ATOH1: variants seen among roughly 807,000 people sequenced by gnomAD.
ATOH1 encodes the protein atonal bHLH transcription factor 1.
In ATOH1, 9 loss-of-function variants were observed where a neutral mutation model predicts 20.7. The ratio of observed to expected loss-of-function variants is 0.44; its 90% CI spans 0.26 to 0.76. The LOEUF (loss-of-function observed/expected upper bound fraction) is 0.76, where lower values mean the gene tolerates loss of function less well. Ranked by LOEUF, ATOH1 falls within the 30% of genes least tolerant of loss-of-function variation. ATOH1 has a pLI of 0.20. For synonymous variants in ATOH1, 247 were observed against 214.3 expected, an observed-to-expected ratio of 1.15 and a Z score of -1.33; for missense variants, 516 against 479.3, an observed-to-expected ratio of 1.08 and a Z score of -0.71.
Position 93,829,478 on chromosome 4 carries a change from T to A in ATOH1, c.552T>A (p.Asn184Lys), listed in dbSNP as rs1244207404. The A allele has an allele frequency of 7.4e-6, 12 of 1,614,092 alleles. No homozygotes were observed. The highest frequency in any genetic ancestry group is 1.1e-5 in the South Asian group (1 of 91,088). ...ACCACGCCTTCGACCAGCTGCGCAA[T>A]GTTATCCCGTCGTTCAACAACGACA... ...GLNHAFDQLRNVIPSFNNDKK... is the reference protein window; with the variant it reads ...GLNHAFDQLRKVIPSFNNDKK... The change falls in exon 1 of 1, where the codon AAT becomes AAA. Residue 184 changes from asparagine to lysine, a missense_variant. Transcript: ENST00000306011. This position sits in a 1 kb window ranked among gnomAD's most constrained non-coding sequence, Gnocchi z 4.5.
chr4:93,829,000 C>T lies in ATOH1; in HGVS notation c.74C>T (p.Pro25Leu). ...GGAGACCACCATCGCCAGCCCCAGCCGCATCATCTCCCGCAACCGCCGCCG... is the reference window on the plus strand; with the variant it reads ...GGAGACCACCATCGCCAGCCCCAGCTGCATCATCTCCCGCAACCGCCGCCG... Reference protein sequence around the residue: ...ELGDHHRQPQPHHLPQPPPPP... With the variant: ...ELGDHHRQPQLHHLPQPPPPP... The change falls in exon 1 of 1, where the codon CCG becomes CTG. Residue 25 changes from proline (P) to leucine (L), a missense_variant. Pro to Leu is a moderately conservative substitution (Grantham distance 98, BLOSUM62 -3). Coordinates refer to ENST00000306011, the MANE Select transcript of ATOH1 (RefSeq NM_005172.2). 1.2e-6 allele frequency: 2 copies of T among 1,613,616 alleles called. No homozygotes were observed. Among genetic ancestry groups the T allele is most frequent in the Non-Finnish European group, 8.5e-7 (1 of 1,179,830 alleles).
Position 93,829,562 on chromosome 4 carries a change from C to T in ATOH1, c.636C>T (p.Ser212=). The T allele has an allele frequency of 1.2e-6, 2 of 1,614,228 alleles. No individual in the cohort carries two copies. Among genetic ancestry groups the T allele is most frequent in the Non-Finnish European group, 8.5e-7 (1 of 1,180,036 alleles). Residue 212 remains serine, a synonymous_variant, in exon 1 of 1, where the codon TCC becomes TCT. Transcript: ENST00000306011. The surrounding 1 kb of genome is among the most constrained non-coding windows in gnomAD (Gnocchi z 4.5). The stretch of plus-strand genomic sequence containing the variant: ...CCCAAATCTACATCAACGCCTTGTC[C>T]GAGCTGCTACAAACGCCCAGCGGAG... ...QMAQIYINAL[S]ELLQTPSGGE... is the part of the protein sequence containing the mutation.
chr4:93,828,954 TG>T lies in ATOH1; in HGVS notation c.31del (p.Ala11LeufsTer3). The T allele has an allele frequency of 1.2e-6, 2 of 1,605,248 alleles. No homozygotes were observed. The highest frequency in any genetic ancestry group is 8.5e-7 in the Non-Finnish European group (1 of 1,175,572). ...GTCCCGCCTGCTGCATGCAGAAGAGTGGGCTGAAGTGAAGGAGTTGGGAGAC... is the reference window on the plus strand; with the variant it reads ...GTCCCGCCTGCTGCATGCAGAAGAGTGGCTGAAGTGAAGGAGTTGGGAGAC... MSRLLHAEEWAEVKELGDHH... is the reference protein window; with the variant it reads MSRLLHAEEXAEVKELGDHH... On this transcript the variant is annotated frameshift_variant, in exon 1 of 1. Coordinates refer to ENST00000306011, the MANE Select transcript of ATOH1 (RefSeq NM_005172.2). LOFTEE classifies it high-confidence loss of function.
At position 93,828,909 on chromosome 4, in the gene ATOH1, C is replaced by G; in HGVS notation, c.-18C>G. The G allele has an allele frequency of 6.4e-7, 1 of 1,560,072 alleles. No individual in the cohort carries two copies. Among genetic ancestry groups the G allele is most frequent in the Non-Finnish European group, 8.7e-7 (1 of 1,150,332 alleles). The stretch of plus-strand genomic sequence containing the variant: ...CAGTGCTGCCTCCGATCCTGAGCCT[C>G]CGAGCCTTTGCAGTGCAATGTCCCG... On this transcript the variant is annotated 5_prime_UTR_variant, in exon 1 of 1. Transcript: ENST00000306011.
chr4:93,829,834 C>T lies in ATOH1; in HGVS notation c.908C>T (p.Thr303Ile). 6.2e-7 allele frequency: 1 copy of T among 1,614,048 alleles called. No homozygotes were observed. The highest frequency in any genetic ancestry group is 8.5e-7 in the Non-Finnish European group (1 of 1,180,024). ...HFSTFEDSAL[T>I]AMMAQKNLSP... ...TCGACTTTCGAGGACAGCGCCCTGA[C>T]AGCGATGATGGCGCAAAAGAATTTG... Residue 303 changes from threonine (T) to isoleucine (I), a missense_variant, in exon 1 of 1, where the codon ACA (threonine) becomes ATA (isoleucine). Transcript: ENST00000306011. This position sits in a 1 kb window ranked among gnomAD's most constrained non-coding sequence, Gnocchi z 4.5.
chr4:93,830,073 C>A lies in ATOH1; in HGVS notation c.*82C>A. 1 of 1,492,852 alleles carries A rather than the reference C, an allele frequency of 6.7e-7. No individual in the cohort carries two copies. The highest frequency in any genetic ancestry group is 1.4e-5 in the South Asian group (1 of 70,806). 92.5% of individuals were successfully genotyped at this position (1,492,852 alleles called of 1,614,324 possible). ...GCGGGAAGCCCCGCGGTTAAAGATC[C>A]CCGCACCCTTTAATTTTTGCTCTGC... On this transcript the variant is annotated 3_prime_UTR_variant, in exon 1 of 1. Coordinates refer to ENST00000306011, the MANE Select transcript of ATOH1 (RefSeq NM_005172.2).
In ATOH1 at chr4:93,830,811, G is replaced by A. The variant is rs1397570776; in HGVS notation, c.*820G>A. 2 of 166,576 alleles carry A rather than the reference G, an allele frequency of 1.2e-5. No homozygotes were observed. The highest frequency in any genetic ancestry group is 2.9e-5 in the Non-Finnish European group (2 of 68,072). 10.3% of individuals were successfully genotyped at this position (166,576 alleles called of 1,614,324 possible). On this transcript the variant is annotated 3_prime_UTR_variant, in exon 1 of 1. Transcript: ENST00000306011. ...ATTTTATTTTGCTTTGTTAATATTAGAAAACTTATTTATTATTGTTTGCTA... is the reference window on the plus strand; with the variant it reads ...ATTTTATTTTGCTTTGTTAATATTAAAAAACTTATTTATTATTGTTTGCTA...
In ATOH1 at chr4:93,829,006, A is replaced by G. The variant is rs756527546; in HGVS notation, c.80A>G (p.His27Arg). 1.9e-6 allele frequency: 3 copies of G among 1,613,674 alleles called. No homozygotes were observed. Among genetic ancestry groups the G allele is most frequent in the South Asian group, 1.1e-5 (1 of 91,046 alleles). The part of the protein sequence containing the change: ...GDHHRQPQPH[H>R]LPQPPPPPQP... ...CACCATCGCCAGCCCCAGCCGCATCATCTCCCGCAACCGCCGCCGCCGCCG... is the reference window on the plus strand; with the variant it reads ...CACCATCGCCAGCCCCAGCCGCATCGTCTCCCGCAACCGCCGCCGCCGCCG... Residue 27 changes from histidine (H) to arginine (R), a missense_variant, in exon 1 of 1, where the codon CAT (histidine) becomes CGT (arginine). Coordinates refer to ENST00000306011, the MANE Select transcript of ATOH1 (RefSeq NM_005172.2). This position sits in a 1 kb window ranked among gnomAD's most constrained non-coding sequence, Gnocchi z 4.5.
Position 93,829,244 on chromosome 4 carries a change from A to G in ATOH1, c.318A>G (p.Val106=), listed in dbSNP as rs1370455313. The change falls in exon 1 of 1, where the codon GTA becomes GTG. Residue 106 remains valine, a synonymous_variant. Coordinates refer to ENST00000306011, the MANE Select transcript of ATOH1 (RefSeq NM_005172.2). This position sits in a 1 kb window ranked among gnomAD's most constrained non-coding sequence, Gnocchi z 4.5. ...RDEVDGRGEL[V]RRSSGGASSS... ...AGGTGGACGGCCGGGGGGAGCTGGT[A>G]AGGAGGAGCAGCGGCGGTGCCAGCA... 3.8e-6 allele frequency: 6 copies of G among 1,594,806 alleles called. No individual in the cohort carries two copies. Among genetic ancestry groups the G allele is most frequent in the South Asian group, 1.1e-5 (1 of 87,172 alleles).
At position 93,828,826 on chromosome 4, in the gene ATOH1, AAT is replaced by A; in HGVS notation, c.-99_-98del. 9 of 1,349,972 alleles carry A rather than the reference AAT, an allele frequency of 6.7e-6. No homozygotes were observed. The highest frequency in any genetic ancestry group is 6.9e-6 in the Non-Finnish European group (7 of 1,012,630). 83.6% of individuals were successfully genotyped at this position (1,349,972 alleles called of 1,614,324 possible). ...GGGGAGGGTCGAGGAGGGAAAAAAA[AAT>A]AAGACGTTGCAGAAGAGACCCGGAA... On this transcript the variant is annotated 5_prime_UTR_variant, in exon 1 of 1. Coordinates refer to ENST00000306011, the MANE Select transcript of ATOH1 (RefSeq NM_005172.2).
chr4:93,828,793 A>G lies in ATOH1; in HGVS notation c.-134A>G. ...CACGCGACCTGGTGTGTGATCTCCG[A>G]GTGGGTGGGGGAGGGTCGAGGAGGG... is the stretch of plus-strand genomic sequence containing the variant. On this transcript the variant is annotated 5_prime_UTR_variant, in exon 1 of 1. Transcript: ENST00000306011. The G allele has an allele frequency of 1.0e-6, 1 of 970,330 alleles. No individual in the cohort carries two copies. Among genetic ancestry groups the G allele is most frequent in the African/African-American group, 1.7e-5 (1 of 59,232 alleles). 60.1% of individuals were successfully genotyped at this position (970,330 alleles called of 1,614,324 possible). A position where few individuals can be genotyped will look rare whatever the true frequency, so the allele number is the denominator to read the frequency against.
rs1020591894 is a variant in ATOH1 at position 93,830,751 on chromosome 4, A to T, written c.*760A>T. The T allele has an allele frequency of 4.2e-5, 7 of 166,770 alleles. No individual in the cohort carries two copies. Among genetic ancestry groups the T allele is most frequent in the African/African-American group, 9.7e-5 (4 of 41,300 alleles). The allele number at this position is 166,770 out of a possible 1,614,324, so 10.3% of individuals were successfully genotyped here. A position where few individuals can be genotyped will look rare whatever the true frequency, so the allele number is the denominator to read the frequency against. On this transcript the variant is annotated 3_prime_UTR_variant, in exon 1 of 1. Transcript: ENST00000306011. ...ATGTTTGTTTAAAAAATGAAAAATT[A>T]AAAAAAATCTAGTAGTGTCAAACGC...
In ATOH1 at chr4:93,830,713, A is replaced by C. The variant is rs1331786695; in HGVS notation, c.*722A>C. The C allele has an allele frequency of 6.0e-6, 1 of 166,600 alleles. No individual in the cohort carries two copies. The highest frequency in any genetic ancestry group is 1.5e-5 in the Non-Finnish European group (1 of 68,054). The allele number at this position is 166,600 out of a possible 1,614,324, so 10.3% of individuals were successfully genotyped here. On this transcript the variant is annotated 3_prime_UTR_variant, in exon 1 of 1. Coordinates refer to ENST00000306011, the MANE Select transcript of ATOH1 (RefSeq NM_005172.2). ...TTAAACACAGCCACTTATAATTCTT[A>C]AGCTCTTTGCAAATGTTTGTTTAAA...
In ATOH1 at chr4:93,830,282, C is replaced by T. The variant is rs913618055; in HGVS notation, c.*291C>T. Reference sequence around the variant, plus strand: ...GATAGATACGGTATAATTGTAGGTACCCGTATATGGCATCATTATTCTAGT... The same window carrying T: ...GATAGATACGGTATAATTGTAGGTATCCGTATATGGCATCATTATTCTAGT... On this transcript the variant is annotated 3_prime_UTR_variant, in exon 1 of 1. Transcript: ENST00000306011. 1.4e-5 allele frequency: 5 copies of T among 370,252 alleles called. No individual in the cohort carries two copies. The highest frequency in any genetic ancestry group is 2.4e-5 in the Non-Finnish European group (5 of 210,076). The allele number at this position is 370,252 out of a possible 1,614,324, so 22.9% of individuals were successfully genotyped here.
In ATOH1 at chr4:93,828,964, T is replaced by C. The variant is rs1735386336; in HGVS notation, c.38T>C (p.Val13Ala). Residue 13 changes from valine (V) to alanine (A), a missense_variant, in exon 1 of 1, where the codon GTG becomes GCG. By Grantham distance (64) the Val-to-Ala change is moderately conservative. Coordinates refer to ENST00000306011, the MANE Select transcript of ATOH1 (RefSeq NM_005172.2). ...RLLHAEEWAE[V>A]KELGDHHRQP... The stretch of plus-strand genomic sequence containing the variant: ...CTGCATGCAGAAGAGTGGGCTGAAG[T>C]GAAGGAGTTGGGAGACCACCATCGC... The C allele has an allele frequency of 6.2e-7, 1 of 1,609,946 alleles. No homozygotes were observed. Among genetic ancestry groups the C allele is most frequent in the South Asian group, 1.1e-5 (1 of 90,318 alleles).
chr4:93,830,855 A>G lies in ATOH1; in HGVS notation c.*864A>G, dbSNP rs927349712. On this transcript the variant is annotated 3_prime_UTR_variant, in exon 1 of 1. Transcript: ENST00000306011. ...TTTGCTACCATTTCTACTTATCTTG[A>G]TTCATTTTTTACGTTTTCTACTCGA... 1.2e-5 allele frequency: 2 copies of G among 167,030 alleles called. No individual in the cohort carries two copies. The highest frequency in any genetic ancestry group is 1.9e-4 in the East Asian group (1 of 5,200). The allele number at this position is 167,030 out of a possible 1,614,324, so 10.3% of individuals were successfully genotyped here.
chr4:93,829,606 C>T lies in ATOH1; in HGVS notation c.680C>T (p.Pro227Leu). The change falls in exon 1 of 1, where the codon CCT becomes CTT. Residue 227 changes from proline (P) to leucine (L), a missense_variant. By Grantham distance (98) the Pro-to-Leu change is moderately conservative (BLOSUM62 -3). Coordinates refer to ENST00000306011, the MANE Select transcript of ATOH1 (RefSeq NM_005172.2). This position sits in a 1 kb window ranked among gnomAD's most constrained non-coding sequence, Gnocchi z 4.5. ...AGCGGAGGGGAACAGCCACCGCCGC[C>T]TCCAGCCTCCTGCAAAAGCGACCAC... ...TPSGGEQPPPPPASCKSDHHH... is the reference protein window; with the variant it reads ...TPSGGEQPPPLPASCKSDHHH... 1 of 1,612,932 alleles carries T rather than the reference C, an allele frequency of 6.2e-7. No individual in the cohort carries two copies. Among genetic ancestry groups the T allele is most frequent in the Non-Finnish European group, 8.5e-7 (1 of 1,179,382 alleles).
rs138388359 is a variant in ATOH1, at chr4:93,829,076, G to T, written c.150G>T (p.Pro50=). 7.4e-6 allele frequency: 12 copies of T among 1,613,748 alleles called. No individual in the cohort carries two copies. Among genetic ancestry groups the T allele is most frequent in the African/African-American group, 1.3e-5 (1 of 75,012 alleles). Residue 50 remains proline, a synonymous_variant, in exon 1 of 1, where the codon CCG becomes CCT. Coordinates refer to ENST00000306011, the MANE Select transcript of ATOH1 (RefSeq NM_005172.2). This position sits in a 1 kb window ranked among gnomAD's most constrained non-coding sequence, Gnocchi z 4.5. The part of the protein sequence containing the change: ...TLQAREHPVY[P]PELSLLDSTD... ...AGGCGAGAGAGCATCCCGTCTACCC[G>T]CCTGAGCTGTCCCTCCTGGACAGCA...
chr4:93,829,011 C>G lies in ATOH1; in HGVS notation c.85C>G (p.Pro29Ala). 9 of 1,613,570 alleles carry G rather than the reference C, an allele frequency of 5.6e-6. No homozygotes were observed. Among genetic ancestry groups the G allele is most frequent in the Non-Finnish European group, 6.8e-6 (8 of 1,179,892 alleles). ...HHRQPQPHHL[P>A]QPPPPPQPPA... ...TCGCCAGCCCCAGCCGCATCATCTC[C>G]CGCAACCGCCGCCGCCGCCGCAGCC... is the stretch of plus-strand genomic sequence containing the variant. Residue 29 changes from proline to alanine, a missense_variant, in exon 1 of 1, where the codon CCG becomes GCG. Physicochemically the swap from Pro to Ala is conservative, Grantham distance 27. Transcript: ENST00000306011. This position sits in a 1 kb window ranked among gnomAD's most constrained non-coding sequence, Gnocchi z 4.5.
Sources: gnomAD v4.1 joint callset for allele counts on GRCh38, gnomAD v4.1.1 for gene constraint, Gnocchi (gnomAD v3.1) non-coding constraint, MANE v1.5 for transcripts, NCBI Gene and HGNC (gene_info 2026-07-23, HGNC 2026-07-21) for gene names.